The following RAB37 variants were observed in gnomAD, a reference collection of about 807,000 sequenced individuals.
RAB37 encodes RAB37, member RAS oncogene family.
In RAB37, 29 loss-of-function variants were observed where a neutral mutation model predicts 33.1. That is an observed-to-expected ratio of 0.88 (90% CI 0.65 to 1.20). The LOEUF (loss-of-function observed/expected upper bound fraction) is 1.20, where lower values mean the gene tolerates loss of function less well. Among genes scored for constraint, RAB37 ranks in the 50% most tolerant of loss-of-function variants. The pLI is 0.00. For synonymous variants in RAB37, 128 were observed against 119.5 expected (o/e 1.07, Z -0.47); for missense variants, 299 against 301.1 (o/e 0.99, Z 0.05).
chr17:74,674,208 G>A (rs573131324), intron 1 of RAB37, among the ~76,000 whole-genome samples: 151 of 152,148 alleles, frequency 9.9e-4, no homozygotes, highest in Non-Finnish European at 1.8e-3. Context: ...CCCAGTAACT[G>A]GAACTGCAGG....
chr17:74,709,623 C>G, intron 1 of RAB37, among the ~76,000 whole-genome samples: 1 of 151,942 alleles, frequency 6.6e-6, no homozygotes. Context: ...CCGGAGTGCA[C>G]TGGTACGAAC....
intron 2 of RAB37, among the ~76,000 whole-genome samples, chr17:74,732,181 C>T (rs2034392911): frequency 6.6e-6 from 1 of 152,230 alleles, no homozygotes; most frequent in Non-Finnish European, 1.5e-5. Flanking sequence ...ACATAAAAGC[C>T]TCCAGGGGGA....
intron 5 of RAB37, among the ~76,000 whole-genome samples, chr17:74,743,682 A>G (rs1423824843): frequency 6.6e-6 from 1 of 152,198 alleles, no homozygotes; most frequent in African/African-American, 2.4e-5. Flanking sequence ...AAGTCCACAC[A>G]TACATCCAGG....
chr17:74,695,323 G>A, intron 1 of RAB37: 2 of 1,570,636 alleles, frequency 1.3e-6, no homozygotes, highest in Non-Finnish European at 1.7e-6. Context: ...GGAGCCCTCG[G>A]AGGAGGATAG....
At chr17:74,685,242 T>C (rs1056420887) in intron 1 of RAB37, among the ~76,000 whole-genome samples, 10 of 152,160 alleles carry the variant, frequency 6.6e-5, no homozygotes, top group Non-Finnish European at 1.5e-4. Context: ...TAGAGTGCAG[T>C]GGCGCGATCT....
intron 1 of RAB37, among the ~76,000 whole-genome samples, chr17:74,687,817 G>C (rs1016786856): frequency 3.9e-5 from 6 of 152,282 alleles, no homozygotes; most frequent in Non-Finnish European, 7.3e-5. Context: ...CGGATCCATG[G>C]CTGCCAATTC....
In RAB37 at chr17:74,681,464, G is replaced by A. The variant is rs977283473; in HGVS notation, c.72+9806G>A. Among the ~76,000 whole-genome samples, 4 of 152,284 alleles carry A rather than the reference G, an allele frequency of 2.6e-5. No homozygotes were observed. In the South Asian group the frequency reaches 6.2e-4, roughly 24 times the overall value. On this transcript the variant is annotated intron_variant, in intron 1 of 7. Coordinates refer to the RAB37 transcript ENST00000340415. The stretch of plus-strand genomic sequence containing the variant: ...GTGCAAAGACCCCTGTCCAATTGTG[G>A]CAGAGTCCAACACATAGAAACTAAG...
rs2144097117 is a variant in RAB37 at position 74,745,922 on chromosome 17, C to G, written c.*511C>G. ...TCGCCCCATCTCCCAAATAAGTGGGCCCTTGTGCTGTGAGGAAGACCAAAG... is the reference window on the plus strand; with the variant it reads ...TCGCCCCATCTCCCAAATAAGTGGGGCCTTGTGCTGTGAGGAAGACCAAAG... On this transcript the variant is annotated 3_prime_UTR_variant, in exon 9 of 9. Coordinates refer to ENST00000392613, the MANE Select transcript of RAB37 (RefSeq NM_001006638.3). This position sits in a 1 kb window ranked among gnomAD's most constrained non-coding sequence, Gnocchi z 4.5. 6.4e-6 allele frequency: 1 copy of G among 155,046 alleles called. No individual in the cohort carries two copies. Among genetic ancestry groups the G allele is most frequent in the Admixed American group, 6.4e-5 (1 of 15,570 alleles). 9.6% of individuals were successfully genotyped at this position (155,046 alleles called of 1,614,324 possible). A position where few individuals can be genotyped will look rare whatever the true frequency, so the allele number is the denominator to read the frequency against.
Position 74,742,609 on chromosome 17 carries a change from A to T in RAB37, c.246+314A>T, listed in dbSNP as rs2034645228. Among the ~76,000 whole-genome samples the T allele has an allele frequency of 6.6e-6, 1 of 151,452 alleles. No homozygotes were observed. The highest frequency in any genetic ancestry group is 2.1e-4 in the South Asian group (1 of 4,780). On this transcript the variant is annotated intron_variant, in intron 3 of 8. Transcript: ENST00000392613. This position sits in a 1 kb window ranked among gnomAD's most constrained non-coding sequence, Gnocchi z 4.0. ...CCCCTGAGCTAGGGGAGAGGAGAAG[A>T]TTCTTTTTTTTTCTTTTCTTTTCTT...
chr17:74,673,308 CA>C (rs1205125795), intron 1 of RAB37, among the ~76,000 whole-genome samples: 3 of 150,982 alleles, frequency 2.0e-5, no homozygotes, highest in African/African-American at 7.3e-5. Flanking sequence ...GAGGCTGAGG[CA>C]GGAGAATTGC....
At chr17:74,726,710 G>A (rs2034311725) in intron 1 of RAB37, among the ~76,000 whole-genome samples, 1 of 152,220 alleles carries the variant, frequency 6.6e-6, no homozygotes. Context: ...CTCATGGTAA[G>A]CAGACGCTGA....
rs142549913 is a variant in RAB37, at chr17:74,729,339, C to G, written c.156C>G (p.Phe52Leu). 8,941 of 1,614,050 alleles carry G rather than the reference C, an allele frequency of 5.5e-3. 30 individuals are homozygous for G. The highest frequency in any genetic ancestry group is 7.0e-3 in the Non-Finnish European group (8,209 of 1,179,930). ...AGGGCAAGTTCATCCCCGGCTCCTT[C>G]TCGGCCACTGTGGGCATCGGATTCA... Residue 52 changes from phenylalanine to leucine, a missense_variant, in exon 2 of 8, where the codon TTC (phenylalanine) becomes TTG (leucine). By Grantham distance (22) the Phe-to-Leu change is conservative (BLOSUM62 0). Coordinates refer to the RAB37 transcript ENST00000340415. The surrounding 1 kb of genome is among the most constrained non-coding windows in gnomAD (Gnocchi z 4.2).
At chr17:74,681,517 A>C (rs1389994845) in intron 1 of RAB37, among the ~76,000 whole-genome samples, 2 of 152,200 alleles carry the variant, frequency 1.3e-5, no homozygotes, top group Non-Finnish European at 2.9e-5. Context: ...CCATCTCCAA[A>C]GACATGGGCT....
Position 74,675,485 on chromosome 17 carries a change from A to G in RAB37, c.72+3827A>G, listed in dbSNP as rs548986632. On this transcript the variant is annotated intron_variant, in intron 1 of 7. Coordinates refer to the RAB37 transcript ENST00000340415. ...GGGCATGCATCTTGGGCTCCAAAGC[A>G]GCTTCAATGGGTGTCACATTCAGTC... 1.8e-3 allele frequency among the ~76,000 whole-genome samples: 267 copies of G among 152,176 alleles called. 2 individuals carry two copies. Among genetic ancestry groups the G allele is most frequent in the African/African-American group, 6.2e-3 (258 of 41,522 alleles).
chr17:74,714,319 G>C (rs917178851), intron 1 of RAB37, among the ~76,000 whole-genome samples: 2 of 151,860 alleles, frequency 1.3e-5, no homozygotes, highest in Non-Finnish European at 2.9e-5. Flanking sequence ...CCAAGAGGTC[G>C]AAACTGCAGT....
chr17:74,720,130 C>T (rs528275828), intron 1 of RAB37, among the ~76,000 whole-genome samples: 9 of 152,298 alleles, frequency 5.9e-5, no homozygotes, highest in African/African-American at 1.9e-4. Flanking sequence ...GCTCTGGGTC[C>T]AGTCGGCCAT....
chr17:74,706,022 T>C (rs1029415267), intron 1 of RAB37, among the ~76,000 whole-genome samples: 4 of 152,112 alleles, frequency 2.6e-5, no homozygotes, highest in Non-Finnish European at 5.9e-5. Context: ...ATGTTCTCAC[T>C]TATAAGTGGG....
rs144935288 is a variant in RAB37 at position 74,692,688 on chromosome 17, G to T, written c.72+21030G>T. ...AACCTAGATGAAGTGATAGACCTTTGTCCTCCAGCCAGAGGACATCGTAGC... is the reference window on the plus strand; with the variant it reads ...AACCTAGATGAAGTGATAGACCTTTTTCCTCCAGCCAGAGGACATCGTAGC... On this transcript the variant is annotated intron_variant, in intron 1 of 7. Coordinates refer to the RAB37 transcript ENST00000340415. 5.3e-5 allele frequency among the ~76,000 whole-genome samples: 8 copies of T among 151,944 alleles called. No individual in the cohort carries two copies. The South Asian group carries it at 6.2e-4, about 12-fold the overall frequency.
intron 1 of RAB37, among the ~76,000 whole-genome samples, chr17:74,674,689 A>G (rs1371411489): frequency 6.6e-6 from 1 of 152,140 alleles, no homozygotes; most frequent in East Asian, 1.9e-4. Context: ...AAAAAACAAA[A>G]AGAAATATGA....
Sources: allele counts gnomAD v4.1 joint callset (sites outside exome capture counted in the v4.1 genomes callset), GRCh38; gene constraint gnomAD v4.1.1; non-coding constraint Gnocchi (gnomAD v3.1); transcripts MANE v1.5; gene names NCBI Gene and HGNC (gene_info 2026-07-23, HGNC 2026-07-21).